RASA3: variants seen among roughly 807,000 people sequenced by gnomAD.
The protein encoded by RASA3 is RAS p21 protein activator 3, also known as ras GTPase-activating protein 3.
In RASA3, 73 loss-of-function variants were observed where a neutral mutation model predicts 110.0. That is an observed-to-expected ratio of 0.66 (90% CI 0.55 to 0.81). The LOEUF is 0.81. Among genes scored for constraint, RASA3 ranks in the 30% least tolerant of loss-of-function variants. The probability of loss-of-function intolerance (pLI) is 0.00; values close to 1 mark genes in which losing one functional copy is unlikely to be tolerated. For synonymous variants in RASA3, 500 were observed against 451.4 expected, an observed-to-expected ratio of 1.11 and a Z score of -1.37; for missense variants, 976 against 1,113.2, an observed-to-expected ratio of 0.88 and a Z score of 1.75.
chr13:114,027,951 G>A (rs376359313), intron 5 of RASA3, 24 bp from the exon 6 acceptor site: 103 of 1,597,568 alleles, frequency 6.4e-5, no homozygotes, highest in East Asian at 5.4e-4. Context: ...CAGAGGCGGC[G>A]TCAGGAGGGA....
At chr13:114,027,630 C>T (rs1320521850) in intron 6 of RASA3, among the ~76,000 whole-genome samples, 169 bp from the exon 7 acceptor site, 1 of 152,204 alleles carries the variant, frequency 6.6e-6, no homozygotes, top group East Asian at 1.9e-4. Flanking sequence ...GGAACCTTTA[C>T]TCAGCCAAAA....
At position 114,013,183 on chromosome 13, in the gene RASA3, T is replaced by C. The variant is rs181724603; in HGVS notation, c.1471A>G (p.Ile491Val). Residue 491 changes from isoleucine to valine, a missense_variant, in exon 15 of 24, where the codon ATT becomes GTT. By Grantham distance (29) the Ile-to-Val change is conservative. Around this residue, in one of 4 missense-constraint regions of RASA3, gnomAD observed 732 missense variants for 779.7 expected, o/e 0.94. Transcript: ENST00000334062. ...AGCTGGAAGAGGTTGGGGGAGAGAA[T>C]GGCGGGCGCAAAGAACCTCAGGAAG... ...FIFLRFFAPA[I>V]LSPNLFQLTP... The C allele has an allele frequency of 1.2e-6, 2 of 1,613,444 alleles. No homozygotes were observed. Among genetic ancestry groups the C allele is most frequent in the East Asian group, 4.5e-5 (2 of 44,866 alleles).
At chr13:114,023,673 C>G (rs1456675044) in intron 8 of RASA3, among the ~76,000 whole-genome samples, 1 of 152,234 alleles carries the variant, frequency 6.6e-6, no homozygotes, top group Non-Finnish European at 1.5e-5. Flanking sequence ...GCGTCCTGAC[C>G]TGCGTGAACC....
At chr13:114,064,848 C>G (rs1045185627) in intron 2 of RASA3, among the ~76,000 whole-genome samples, 1 of 152,256 alleles carries the variant, frequency 6.6e-6, no homozygotes, top group African/African-American at 2.4e-5. Context: ...CGCCCGAGGG[C>G]TCTGGAACTC....
At chr13:113,992,338 T>C (rs1242034895) in intron 22 of RASA3, 147 bp downstream of exon 22, 1 of 546,264 alleles carries the variant, frequency 1.8e-6, no homozygotes, top group East Asian at 2.9e-5. Context: ...GCTTTTCGCA[T>C]CCATCCGTGC....
intron 19 of RASA3, 134 bp downstream of exon 19, chr13:114,000,692 G>C: frequency 1.5e-6 from 1 of 672,046 alleles, no homozygotes; most frequent in South Asian, 1.7e-5. Flanking sequence ...GAGGGCTCTG[G>C]GTCACCGCGG....
chr13:114,115,808 C>G lies in RASA3; in HGVS notation c.55+16627G>C, dbSNP rs1042159410. 6.6e-6 allele frequency among the ~76,000 whole-genome samples: 1 copy of G among 152,226 alleles called. No individual in the cohort carries two copies. The highest frequency in any genetic ancestry group is 1.5e-5 in the Non-Finnish European group (1 of 68,040). ...ACGCCTTCTCAGTCTCCTGTAACGACGTTGCTACAGATGTATGTGTTTGTG... is the reference window on the plus strand; with the variant it reads ...ACGCCTTCTCAGTCTCCTGTAACGAGGTTGCTACAGATGTATGTGTTTGTG... On this transcript the variant is annotated intron_variant, in intron 1 of 23. Transcript: ENST00000334062. The surrounding 1 kb of genome is among the most constrained non-coding windows in gnomAD (Gnocchi z 5.0).
chr13:113,982,733 T>C (rs12019871), intron 22 of RASA3, among the ~76,000 whole-genome samples: 20,482 of 152,322 alleles, frequency 0.13, 1,765 homozygotes, highest in Middle Eastern at 0.21. Context: ...CATCAGGAGA[T>C]GAGGCCTTTG....
chr13:114,015,541 C>T lies in RASA3; in HGVS notation c.1282-209G>A, dbSNP rs140369006. On this transcript the variant is annotated intron_variant, in intron 13 of 23. Coordinates refer to ENST00000334062, the MANE Select transcript of RASA3 (RefSeq NM_007368.4). ...CGCGTGAAAATCACTACACAGGCAC[C>T]ACGTCGGCTCCCCGGCTCGGCCCCG... Among the ~76,000 whole-genome samples, 517 of 152,372 alleles carry T rather than the reference C, an allele frequency of 3.4e-3. 1 individual carries two copies. The highest frequency in any genetic ancestry group is 0.011 in the African/African-American group (477 of 41,586).
At chr13:114,132,191 G>A (rs2080529172) in intron 1 of RASA3, among the ~76,000 whole-genome samples, 1 of 152,314 alleles carries the variant, frequency 6.6e-6, no homozygotes, top group East Asian at 1.9e-4. Context: ...GGGCCGCTCC[G>A]GGCGCAGAGG....
At chr13:114,069,459 G>A (rs557851542) in intron 2 of RASA3, among the ~76,000 whole-genome samples, 2 of 118,386 alleles carry the variant, frequency 1.7e-5, no homozygotes, top group Admixed American at 1.6e-4. Context: ...GGAGACTTGG[G>A]GGGCTGGGAG....
intron 17 of RASA3, among the ~76,000 whole-genome samples, chr13:114,007,914 A>C (rs986968268): frequency 1.1e-4 from 16 of 152,230 alleles, no homozygotes; most frequent in Admixed American, 5.9e-4. Context: ...GGTAGTGAGG[A>C]GGCTCAGGCA....
intron 17 of RASA3, 29 bp downstream of exon 17, chr13:114,009,358 G>A (rs183773993): frequency 8.4e-6 from 13 of 1,556,416 alleles, no homozygotes; most frequent in East Asian, 4.5e-5. Flanking sequence ...CACGGCACAC[G>A]GGCGGTCGGA....
Position 114,018,262 on chromosome 13 carries a change from G to A in RASA3, c.943-10C>T, listed in dbSNP as rs2053838420. The A allele has an allele frequency of 6.5e-7, 1 of 1,549,266 alleles. No individual in the cohort carries two copies. Among genetic ancestry groups the A allele is most frequent in the East Asian group, 2.4e-5 (1 of 40,968 alleles). On this transcript the variant is annotated splice_polypyrimidine_tract_variant and intron_variant, in intron 10 of 23. Transcript: ENST00000334062. ...CAGACGCTGACACGGGCTGCGGGGAGGGGTGAGGTCAGTGCCAGGGCCCGG... is the reference window on the plus strand; with the variant it reads ...CAGACGCTGACACGGGCTGCGGGGAAGGGTGAGGTCAGTGCCAGGGCCCGG...
chr13:113,989,477 ACCATCACTCACCCATGCTTCCATCCAC>A (rs1265994555), intron 22 of RASA3, among the ~76,000 whole-genome samples: 3 of 90,324 alleles, frequency 3.3e-5, no homozygotes, highest in South Asian at 3.4e-4. Flanking sequence ...CTGTCCATCC[ACCATCACTCACCCATGCTTCCATCCAC>A]CCATCACTCA....
At chr13:114,031,888 C>T (rs924122026) in intron 4 of RASA3, among the ~76,000 whole-genome samples, 1 of 152,108 alleles carries the variant, frequency 6.6e-6, no homozygotes, top group Non-Finnish European at 1.5e-5. Context: ...ACGGCAGAAC[C>T]GACAGCAGCC....
chr13:114,124,509 T>C (rs1431612886), intron 1 of RASA3, among the ~76,000 whole-genome samples: 1 of 152,248 alleles, frequency 6.6e-6, no homozygotes, highest in East Asian at 1.9e-4. Context: ...CAGCAAAGCT[T>C]GAACGTTTGT....
chr13:114,097,876 G>C lies in RASA3; in HGVS notation c.56-24039C>G, dbSNP rs549589298. Among the ~76,000 whole-genome samples, 59 of 152,314 alleles carry C rather than the reference G, an allele frequency of 3.9e-4. No homozygotes were observed. The South Asian group carries it at 6.4e-3, about 17-fold the overall frequency. On this transcript the variant is annotated intron_variant, in intron 1 of 23. Transcript: ENST00000334062. ...TCTCAAGGCCCCACCATGGGGTCTT[G>C]TCTCATTCGTGACCCTGTGCACGCC... is the stretch of plus-strand genomic sequence containing the variant.
At position 114,018,197 on chromosome 13, in the gene RASA3, T is replaced by G; in HGVS notation, c.998A>C (p.Glu333Ala). ...ILGEVCREKQ[E>A]AAVPLVRLFL... ...GAGCCGCACCAGCGGGACGGCCGCC[T>G]CCTGCTTCTCCCGGCAAACCTCGCC... Residue 333 changes from glutamate (E) to alanine (A), a missense_variant, in exon 11 of 24, where the codon GAG becomes GCG. Coordinates refer to ENST00000334062, the MANE Select transcript of RASA3 (RefSeq NM_007368.4). 6.4e-7 allele frequency: 1 copy of G among 1,552,898 alleles called. No individual in the cohort carries two copies. The highest frequency in any genetic ancestry group is 8.7e-7 in the Non-Finnish European group (1 of 1,148,446).
Sources: allele counts gnomAD v4.1 joint callset (sites outside exome capture counted in the v4.1 genomes callset), GRCh38; gene constraint gnomAD v4.1.1; regional missense constraint gnomAD v4.1.1; non-coding constraint Gnocchi (gnomAD v3.1); transcripts MANE v1.5; gene names NCBI Gene and HGNC (gene_info 2026-07-23, HGNC 2026-07-21).